The following GALNT7 variants were observed in gnomAD, a reference collection of about 807,000 sequenced individuals.
GALNT7 encodes the protein N-acetylgalactosaminyltransferase 7.
GALNT7 carries 60 observed loss-of-function variants against 82.1 expected under a neutral mutation model. The ratio of observed to expected loss-of-function variants is 0.73; its 90% confidence interval spans 0.59 to 0.91. The LOEUF (loss-of-function observed/expected upper bound fraction) is 0.91. Ranked by LOEUF, GALNT7 falls within the 40% of genes least tolerant of loss-of-function variation. The probability of loss-of-function intolerance (pLI) is 0.00; values close to 1 mark genes in which losing one functional copy is unlikely to be tolerated. For synonymous variants in GALNT7, 243 were observed against 275.1 expected (o/e 0.88, Z 1.15); for missense variants, 660 against 804.2 (o/e 0.82, Z 2.17).
At chr4:173,300,030 A>G (rs935701670) in intron 6 of GALNT7, among the ~76,000 whole-genome samples, 1 of 152,186 alleles carries the variant, frequency 6.6e-6, no homozygotes. Context: ...TATTGAAAAT[A>G]TTTCTTGATT....
At chr4:173,223,898 T>C (rs72995612) in intron 1 of GALNT7, among the ~76,000 whole-genome samples, 3,387 of 152,306 alleles carry the variant, frequency 0.022, 101 homozygotes, top group Admixed American at 0.068. Context: ...ACTTCTTCAT[T>C]GATGTGTGTA....
At chr4:173,184,652 G>T (rs1263902130) in intron 1 of GALNT7, among the ~76,000 whole-genome samples, 1 of 150,558 alleles carries the variant, frequency 6.6e-6, no homozygotes, top group South Asian at 2.1e-4. Flanking sequence ...GGGAGGGGGA[G>T]AAGTGGGCTT....
In GALNT7 at chr4:173,206,142, C is replaced by A. The variant is rs1251359811; in HGVS notation, c.126+37181C>A. ...CTGATGACAGGCTGCAGGGGATAGC[C>A]TGGTGCTGGCTTTTATTGAGGCAAG... On this transcript the variant is annotated intron_variant, in intron 1 of 11. Coordinates refer to ENST00000265000, the MANE Select transcript of GALNT7 (RefSeq NM_017423.3). Among the ~76,000 whole-genome samples the A allele has an allele frequency of 2.0e-5, 3 of 152,312 alleles. No individual in the cohort carries two copies. The East Asian group carries it at 5.8e-4, about 29-fold the overall frequency.
intron 2 of GALNT7, among the ~76,000 whole-genome samples, chr4:173,284,426 C>T (rs148970459): frequency 2.8e-4 from 42 of 152,296 alleles, no homozygotes; most frequent in African/African-American, 9.9e-4. Context: ...ACATCCCATA[C>T]AATTTTGGAC....
chr4:173,218,984 T>A (rs545156476), intron 1 of GALNT7, among the ~76,000 whole-genome samples: 293 of 144,266 alleles, frequency 2.0e-3, no homozygotes, highest in African/African-American at 5.6e-3. Context: ...CTTAAAAAAA[T>A]TTTTTTTTTC....
chr4:173,247,456 G>A (rs940199022), intron 1 of GALNT7, among the ~76,000 whole-genome samples: 3 of 151,348 alleles, frequency 2.0e-5, no homozygotes, highest in Admixed American at 6.6e-5. Context: ...ATACCAAATC[G>A]GGACTCTGCA....
intron 2 of GALNT7, among the ~76,000 whole-genome samples, chr4:173,274,223 G>A (rs1406175766): frequency 1.3e-5 from 2 of 152,038 alleles, no homozygotes; most frequent in Non-Finnish European, 2.9e-5. Context: ...ATCTGTCTGA[G>A]TATGTTTTCC....
chr4:173,229,038 T>C (rs1389522558), intron 1 of GALNT7, among the ~76,000 whole-genome samples: 1 of 152,238 alleles, frequency 6.6e-6, no homozygotes, highest in Non-Finnish European at 1.5e-5. Context: ...ATATTGTCAG[T>C]GGCAGACAAC....
intron 1 of GALNT7, among the ~76,000 whole-genome samples, chr4:173,198,359 C>T (rs1258218725): frequency 6.6e-6 from 1 of 152,022 alleles, no homozygotes; most frequent in Non-Finnish European, 1.5e-5. Context: ...TGAGCCACCG[C>T]GCCCGGCCTG....
chr4:173,228,122 A>AT (rs1432367123), intron 1 of GALNT7, among the ~76,000 whole-genome samples: 2 of 151,596 alleles, frequency 1.3e-5, no homozygotes, highest in Non-Finnish European at 2.9e-5. Flanking sequence ...TAGCAGGTCA[A>AT]TTTTTTTCTG....
At chr4:173,305,441 A>G (rs1364313632) in intron 8 of GALNT7, among the ~76,000 whole-genome samples, 3 of 152,106 alleles carry the variant, frequency 2.0e-5, no homozygotes, top group African/African-American at 7.2e-5. Context: ...ATATAATTCC[A>G]TTAGTCTATT....
At chr4:173,196,741 G>A (rs1235076136) in intron 1 of GALNT7, among the ~76,000 whole-genome samples, 1 of 152,030 alleles carries the variant, frequency 6.6e-6, no homozygotes, top group Non-Finnish European at 1.5e-5. Context: ...CCCACCATGC[G>A]TCCATGTGTT....
chr4:173,172,965 T>C (rs187213571), intron 1 of GALNT7, among the ~76,000 whole-genome samples: 1 of 152,260 alleles, frequency 6.6e-6, no homozygotes, highest in African/African-American at 2.4e-5. Flanking sequence ...ACAGAAAGTA[T>C]GTATTTGTCT....
intron 1 of GALNT7, among the ~76,000 whole-genome samples, chr4:173,232,038 T>C (rs1734046394): frequency 6.6e-6 from 1 of 152,068 alleles, no homozygotes; most frequent in South Asian, 2.1e-4. Context: ...TCTTTATAAA[T>C]GGAATTGGAA....
At chr4:173,180,779 C>A (rs1191221971) in intron 1 of GALNT7, among the ~76,000 whole-genome samples, 1 of 152,212 alleles carries the variant, frequency 6.6e-6, no homozygotes. Flanking sequence ...AATCTTTACC[C>A]TTCTCCTGGT....
intron 2 of GALNT7, among the ~76,000 whole-genome samples, chr4:173,289,284 ATGTTG>A (rs1301115953): frequency 5.9e-5 from 9 of 152,096 alleles, no homozygotes; most frequent in African/African-American, 2.2e-4. Context: ...GCACCTAAAT[ATGTTG>A]TAGTTTTGCC....
intron 1 of GALNT7, among the ~76,000 whole-genome samples, chr4:173,189,998 T>C (rs1360071998): frequency 1.3e-5 from 2 of 152,192 alleles, no homozygotes. Context: ...ATGTTAGTTT[T>C]TTTTTTTTTC....
chr4:173,196,042 A>G (rs912873680), intron 1 of GALNT7, among the ~76,000 whole-genome samples: 3 of 152,148 alleles, frequency 2.0e-5, no homozygotes, highest in African/African-American at 7.2e-5. Context: ...TTAATAGGGG[A>G]AAAAAATCTA....
At chr4:173,203,254 C>T (rs931833289) in intron 1 of GALNT7, among the ~76,000 whole-genome samples, 2 of 152,138 alleles carry the variant, frequency 1.3e-5, no homozygotes, top group African/African-American at 4.8e-5. Flanking sequence ...CCACCACGCC[C>T]AGCTAATTTT....
Sources: gnomAD v4.1 joint callset for allele counts (sites outside exome capture counted in the v4.1 genomes callset) on GRCh38, gnomAD v4.1.1 for gene constraint, MANE v1.5 for transcripts, NCBI Gene and HGNC (gene_info 2026-07-23, HGNC 2026-07-21) for gene names.